TACC2: variants seen among roughly 807,000 people sequenced by gnomAD.
The protein encoded by TACC2 is transforming acidic coiled-coil containing protein 2, also known as transforming acidic coiled-coil-containing protein 2.
A neutral mutation model predicts 227.3 loss-of-function variants in TACC2; 137 were observed. The ratio of observed to expected loss-of-function variants is 0.60; its 90% CI spans 0.52 to 0.69. The LOEUF (loss-of-function observed/expected upper bound fraction) is 0.69. Among genes scored for constraint, TACC2 ranks in the 30% least tolerant of loss-of-function variants. The pLI is 0.00. For missense variants in TACC2, 3,470 were observed against 3,694.4 expected (o/e 0.94, Z 1.57); for synonymous variants, 1,523 against 1,487.5 (o/e 1.02, Z -0.55).
chr10:122,206,642 G>A (rs1418317950), intron 8 of TACC2, among the ~76,000 whole-genome samples: 2 of 152,222 alleles, frequency 1.3e-5, no homozygotes, highest in South Asian at 2.1e-4. Flanking sequence ...GGTCCTTGGT[G>A]ATGGCAGCCC....
intron 2 of TACC2, among the ~76,000 whole-genome samples, chr10:122,029,768 T>G (rs1958698102): frequency 6.6e-6 from 1 of 152,152 alleles, no homozygotes; most frequent in Admixed American, 6.6e-5. Flanking sequence ...TATGGGCCAC[T>G]AGGCATATTT....
intron 1 of TACC2, among the ~76,000 whole-genome samples, chr10:121,997,985 G>A (rs1953762116): frequency 6.6e-6 from 1 of 152,090 alleles, no homozygotes; most frequent in Admixed American, 6.5e-5. Context: ...TGGCAGCAAG[G>A]GAGCAGCCAG....
At chr10:122,146,984 A>G (rs914988015) in intron 7 of TACC2, among the ~76,000 whole-genome samples, 5 of 152,072 alleles carry the variant, frequency 3.3e-5, no homozygotes, top group Non-Finnish European at 7.4e-5. Context: ...TGCTTTTCTC[A>G]TGATTGGACT....
intron 7 of TACC2, among the ~76,000 whole-genome samples, chr10:122,187,531 C>T (rs1267188253): frequency 6.6e-6 from 1 of 151,978 alleles, no homozygotes; most frequent in Non-Finnish European, 1.5e-5. Context: ...CGCTCTGTCG[C>T]CCAGACTGGA....
At position 122,198,644 on chromosome 10, in the gene TACC2, G is replaced by A. The variant is rs575658092; in HGVS notation, c.5971+3468G>A. ...TTCCCCAGTGACACGCGGAGGTTAC[G>A]AACCTCATACGCCATCTCACAGCGA... On this transcript the variant is annotated intron_variant, in intron 8 of 22. Coordinates refer to ENST00000369005, the MANE Select transcript of TACC2 (RefSeq NM_206862.4). 3.3e-5 allele frequency among the ~76,000 whole-genome samples: 5 copies of A among 152,286 alleles called. No homozygotes were observed. In the South Asian group the frequency reaches 1.0e-3, roughly 32 times the overall value.
intron 1 of TACC2, among the ~76,000 whole-genome samples, chr10:122,016,245 G>A: frequency 7.3e-6 from 1 of 137,162 alleles, no homozygotes; most frequent in African/African-American, 2.8e-5. Context: ...CTGGGTGACA[G>A]AGTGAGACCC....
intron 2 of TACC2, among the ~76,000 whole-genome samples, chr10:122,038,199 G>A (rs2073818846): frequency 6.6e-6 from 1 of 152,152 alleles, no homozygotes; most frequent in Admixed American, 6.5e-5. Flanking sequence ...GGGAGAGGGG[G>A]CAGAGGTTGC....
At position 122,182,535 on chromosome 10, in the gene TACC2, C is replaced by T. The variant is rs529671820; in HGVS notation, c.5835-12505C>T. 1.1e-4 allele frequency among the ~76,000 whole-genome samples: 16 copies of T among 152,238 alleles called. No individual in the cohort carries two copies. The South Asian group carries it at 2.7e-3, about 26-fold the overall frequency. On this transcript the variant is annotated intron_variant, in intron 7 of 22. Transcript: ENST00000369005. ...AGCAGGACTCAGTAATGGGTTTCCA[C>T]GGAGAGAAACATTACCAAGAGATGA...
At position 122,212,220 on chromosome 10, in the gene TACC2, C is replaced by T. The variant is rs74159093; in HGVS notation, c.7283+512C>T. 1.2e-3 allele frequency among the ~76,000 whole-genome samples: 176 copies of T among 152,310 alleles called. 1 individual carries two copies. The highest frequency in any genetic ancestry group is 4.2e-3 in the African/African-American group (173 of 41,562). On this transcript the variant is annotated intron_variant, in intron 9 of 22. Coordinates refer to ENST00000369005, the MANE Select transcript of TACC2 (RefSeq NM_206862.4). ...AGGAATGAGAGATGTGGCCTGGGCC[C>T]CTCCCTGCTGCACTCCAACCAGCCC...
intron 5 of TACC2, among the ~76,000 whole-genome samples, chr10:122,089,448 C>T (rs1020453047): frequency 6.6e-6 from 1 of 152,202 alleles, no homozygotes; most frequent in African/African-American, 2.4e-5. Flanking sequence ...AATGTAACCA[C>T]GAACAGTGAC....
At chr10:122,152,068 C>T (rs2092097801) in intron 7 of TACC2, among the ~76,000 whole-genome samples, 1 of 152,190 alleles carries the variant, frequency 6.6e-6, no homozygotes, top group South Asian at 2.1e-4. Flanking sequence ...GGTATAATTC[C>T]CCATGTGGCT....
At chr10:122,155,091 A>G (rs1279080855) in intron 7 of TACC2, among the ~76,000 whole-genome samples, 1 of 152,230 alleles carries the variant, frequency 6.6e-6, no homozygotes, top group East Asian at 1.9e-4. Context: ...TCTCTGTTCA[A>G]AATGAGGGAA....
intron 2 of TACC2, among the ~76,000 whole-genome samples, chr10:122,030,446 G>A (rs1281675077): frequency 6.6e-6 from 1 of 152,136 alleles, no homozygotes; most frequent in Non-Finnish European, 1.5e-5. Context: ...GGGCATGAAA[G>A]CCTGTGTCAC....
intron 18 of TACC2, among the ~76,000 whole-genome samples, chr10:122,238,452 A>T (rs370916517): frequency 2.6e-5 from 4 of 152,192 alleles, no homozygotes; most frequent in South Asian, 2.1e-4. Context: ...TTAATTAATT[A>T]ATTTATTTTT....
At chr10:122,169,169 T>C (rs996887743) in intron 7 of TACC2, among the ~76,000 whole-genome samples, 1 of 152,204 alleles carries the variant, frequency 6.6e-6, no homozygotes, top group Non-Finnish European at 1.5e-5. Flanking sequence ...GTTTCTGGAG[T>C]GCAGGTGTGT....
At position 122,087,130 on chromosome 10, in the gene TACC2, C is replaced by T. The variant is rs1182569065; in HGVS notation, c.4630C>T (p.Gln1544Ter). 6.2e-7 allele frequency: 1 copy of T among 1,610,158 alleles called. No individual in the cohort carries two copies. The highest frequency in any genetic ancestry group is 1.7e-5 in the Admixed American group (1 of 59,472). The change falls in exon 4 of 23, where the codon CAG (glutamine) becomes TAG (stop). Residue 1544 changes from glutamine (Q) to a stop codon, truncating the protein, a stop_gained. Coordinates refer to ENST00000369005, the MANE Select transcript of TACC2 (RefSeq NM_206862.4). LOFTEE classifies it high-confidence loss of function. ...GGCAGCCTGGCCAGGCCTGGAAGGC[C>T]AGGCTTACTCACAGCTGGAGAGGAG... ...PGAAWPGLEG[Q>*]AYSQLERSRQ...
intron 6 of TACC2, among the ~76,000 whole-genome samples, chr10:122,143,130 C>T (rs2090877615): frequency 6.6e-6 from 1 of 152,218 alleles, no homozygotes; most frequent in Non-Finnish European, 1.5e-5. Context: ...CTGGATTTTT[C>T]TCAGCCTTGG....
At chr10:122,056,940 C>A (rs1240841887) in intron 3 of TACC2, among the ~76,000 whole-genome samples, 1 of 152,144 alleles carries the variant, frequency 6.6e-6, no homozygotes, top group African/African-American at 2.4e-5. Flanking sequence ...GCCTATAATC[C>A]CAGCACTTTG....
At chr10:122,130,332 G>T (rs2087807536) in intron 5 of TACC2, among the ~76,000 whole-genome samples, 1 of 152,002 alleles carries the variant, frequency 6.6e-6, no homozygotes, top group South Asian at 2.1e-4. Flanking sequence ...TAGTTGCAGT[G>T]ACATTTTGCA....
Sources: gnomAD v4.1 joint callset for allele counts (sites outside exome capture counted in the v4.1 genomes callset) on GRCh38, gnomAD v4.1.1 for gene constraint, MANE v1.5 for transcripts, NCBI Gene and HGNC (gene_info 2026-07-23, HGNC 2026-07-21) for gene names.